Variants in CTNNA3 observed in about 807,000 individuals in gnomAD.
CTNNA3 encodes catenin alpha-3.
CTNNA3 carries 76 observed loss-of-function variants against 95.7 expected under a neutral mutation model. The ratio of observed to expected loss-of-function variants is 0.79; its 90% CI spans 0.66 to 0.96. CTNNA3 has a LOEUF of 0.96. Among genes scored for constraint, CTNNA3 ranks in the 40% least tolerant of loss-of-function variants. The pLI is 0.00. For missense variants in CTNNA3, 1,191 were observed against 1,089.8 expected (o/e 1.09, Z -1.31); for synonymous variants, 431 against 374.4 (o/e 1.15, Z -1.74).
chr10:67,700,053 C>A (rs1589575303), upstream of CTNNA3, among the ~76,000 whole-genome samples: 2 of 152,370 alleles, frequency 1.3e-5, no homozygotes, highest in East Asian at 3.9e-4. Context: ...AACTGCAAGG[C>A]AGCAGCGAGG....
intron 1 of CTNNA3, among the ~76,000 whole-genome samples, chr10:67,676,561 G>C (rs1266887179): frequency 6.6e-6 from 1 of 152,070 alleles, no homozygotes; most frequent in African/African-American, 2.4e-5. Context: ...AAAACTCTGG[G>C]GGCATCTTCA....
At chr10:67,639,755 C>A (rs899270924) in intron 2 of CTNNA3, among the ~76,000 whole-genome samples, 1 of 152,114 alleles carries the variant, frequency 6.6e-6, no homozygotes, top group African/African-American at 2.4e-5. Context: ...ACGACAAAAA[C>A]CACATGATTA....
At chr10:67,298,572 T>C (rs1255379761) in intron 5 of CTNNA3, among the ~76,000 whole-genome samples, 1 of 152,248 alleles carries the variant, frequency 6.6e-6, no homozygotes, top group African/African-American at 2.4e-5. Context: ...TTTAATAGTA[T>C]ATTTGATGTT....
At chr10:66,960,360 A>G (rs1421183013) in intron 7 of CTNNA3, among the ~76,000 whole-genome samples, 1 of 152,146 alleles carries the variant, frequency 6.6e-6, no homozygotes, top group Non-Finnish European at 1.5e-5. Flanking sequence ...GCTTGACTAC[A>G]CATCTAGCTG....
At position 67,450,238 on chromosome 10, in the gene CTNNA3, C is replaced by T. The variant is rs146815557; in HGVS notation, c.579+71604G>A. On this transcript the variant is annotated intron_variant, in intron 5 of 17. Transcript: ENST00000433211. ...TCAACCATTGTGGAACGCAGTGTGG[C>T]GATTCCTCAAAGACCTAAAAACAGA... Among the ~76,000 whole-genome samples, 9 of 152,172 alleles carry T rather than the reference C, an allele frequency of 5.9e-5. No individual in the cohort carries two copies. The East Asian group carries it at 7.7e-4, about 13-fold the overall frequency.
chr10:67,309,838 A>T (rs1377506927), intron 5 of CTNNA3, among the ~76,000 whole-genome samples: 1 of 152,126 alleles, frequency 6.6e-6, no homozygotes, highest in Non-Finnish European at 1.5e-5. Flanking sequence ...GCAGAATTAT[A>T]CTCCTGAGAG....
At chr10:67,090,414 T>C (rs1857562164) in intron 7 of CTNNA3, among the ~76,000 whole-genome samples, 1 of 152,082 alleles carries the variant, frequency 6.6e-6, no homozygotes. Flanking sequence ...AAGAGCTAAA[T>C]GTTGAGAATT....
intron 11 of CTNNA3, among the ~76,000 whole-genome samples, chr10:66,482,143 G>T (rs1159660945): frequency 6.6e-6 from 1 of 152,096 alleles, no homozygotes; most frequent in Non-Finnish European, 1.5e-5. Flanking sequence ...TAACATCTAA[G>T]ACTGGAACTT....
At chr10:66,649,695 C>G (rs1845828245) in intron 9 of CTNNA3, among the ~76,000 whole-genome samples, 1 of 152,196 alleles carries the variant, frequency 6.6e-6, no homozygotes, top group South Asian at 2.1e-4. Context: ...GCTCAATAGA[C>G]TCAATCTCTG....
intron 7 of CTNNA3, among the ~76,000 whole-genome samples, chr10:67,069,677 T>C (rs1037478661): frequency 6.6e-6 from 1 of 151,456 alleles, no homozygotes; most frequent in Non-Finnish European, 1.5e-5. Flanking sequence ...TCACTCAGTA[T>C]ATACTCTGTT....
At chr10:66,481,958 GA>G (rs931817315) in intron 11 of CTNNA3, among the ~76,000 whole-genome samples, 16 of 148,588 alleles carry the variant, frequency 1.1e-4, no homozygotes, top group Middle Eastern at 3.2e-3. Flanking sequence ...ATGCTTGAAA[GA>G]AAAAAAAAGA....
rs190741168 is a variant in CTNNA3, at chr10:66,700,831, T to C, written c.1281+65433A>G. 2.9e-4 allele frequency among the ~76,000 whole-genome samples: 44 copies of C among 152,322 alleles called. 1 individual carries two copies. Among genetic ancestry groups the C allele is most frequent in the Admixed American group, 1.3e-3 (20 of 15,296 alleles). ...TGTTCCTGTGATCTAGAATACATAATTTTATTCTATAGCAGGAGCTGTATA... is the reference window on the plus strand; with the variant it reads ...TGTTCCTGTGATCTAGAATACATAACTTTATTCTATAGCAGGAGCTGTATA... On this transcript the variant is annotated intron_variant, in intron 9 of 17. Transcript: ENST00000433211.
At chr10:66,278,655 G>A (rs1564835235) in intron 13 of CTNNA3, among the ~76,000 whole-genome samples, 1 of 149,376 alleles carries the variant, frequency 6.7e-6, no homozygotes, top group Admixed American at 6.9e-5. Flanking sequence ...ATCTAACTGG[G>A]AGAAGCTATA....
chr10:66,128,845 G>A (rs1589487895), intron 13 of CTNNA3, among the ~76,000 whole-genome samples: 1 of 152,146 alleles, frequency 6.6e-6, no homozygotes, highest in East Asian at 1.9e-4. Flanking sequence ...GGTGGAGGAT[G>A]TTGATAACGG....
At chr10:66,931,402 A>G (rs1490648796) in intron 7 of CTNNA3, among the ~76,000 whole-genome samples, 1 of 152,218 alleles carries the variant, frequency 6.6e-6, no homozygotes, top group Non-Finnish European at 1.5e-5. Flanking sequence ...TACTTATGCA[A>G]GATATATTGC....
At chr10:67,542,871 T>A (rs1388788398) in intron 3 of CTNNA3, among the ~76,000 whole-genome samples, 7 of 151,912 alleles carry the variant, frequency 4.6e-5, no homozygotes, top group African/African-American at 1.7e-4. Context: ...CCTAATTAAA[T>A]AGAAAAAAAG....
intron 10 of CTNNA3, among the ~76,000 whole-genome samples, chr10:66,554,109 T>C (rs763441812): frequency 1.3e-5 from 2 of 152,154 alleles, no homozygotes; most frequent in Non-Finnish European, 2.9e-5. Context: ...GTTTTCTTAT[T>C]TTCTTTCTGA....
intron 1 of CTNNA3, among the ~76,000 whole-genome samples, chr10:67,687,133 A>G (rs981653924): frequency 2.0e-5 from 3 of 152,118 alleles, no homozygotes; most frequent in African/African-American, 7.2e-5. Flanking sequence ...TGTCCAGGAC[A>G]GGAGATTAAC....
At chr10:66,954,391 G>C (rs1848686753) in intron 7 of CTNNA3, among the ~76,000 whole-genome samples, 2 of 152,102 alleles carry the variant, frequency 1.3e-5, no homozygotes, top group South Asian at 4.1e-4. Context: ...TGACTGCAGA[G>C]GAGAAATAAA....
Sources: allele counts gnomAD v4.1 joint callset (sites outside exome capture counted in the v4.1 genomes callset), GRCh38; gene constraint gnomAD v4.1.1; transcripts MANE v1.5; gene names NCBI Gene and HGNC (gene_info 2026-07-23, HGNC 2026-07-21).